The following C12orf50 variants were observed in gnomAD, a reference collection of about 807,000 sequenced individuals.
The protein encoded by C12orf50 is uncharacterized protein C12orf50.
Under a neutral mutation model 61.6 loss-of-function variants are expected in C12orf50, and 35 were observed. That is an observed-to-expected ratio of 0.57 (90% CI 0.43 to 0.75). C12orf50 has a LOEUF of 0.75. Among genes scored for constraint, C12orf50 ranks in the 30% least tolerant of loss-of-function variants. The probability of loss-of-function intolerance (pLI) is 0.00; values close to 1 mark genes in which losing one functional copy is unlikely to be tolerated. For missense variants in C12orf50, 475 were observed against 488.5 expected (o/e 0.97, Z 0.26); for synonymous variants, 178 against 161.5 (o/e 1.10, Z -0.77).
intron 3 of C12orf50, among the ~76,000 whole-genome samples, chr12:88,010,501 A>T (rs926757778): frequency 1.3e-5 from 2 of 149,056 alleles, no homozygotes; most frequent in African/African-American, 4.9e-5. Flanking sequence ...TATTCCATTT[A>T]TAAGATTATA....
intron 8 of C12orf50, 138 bp downstream of exon 8, chr12:87,989,126 A>C: frequency 3.4e-6 from 2 of 595,956 alleles, no homozygotes; most frequent in Non-Finnish European, 5.8e-6. Flanking sequence ...CAGGACTGGA[A>C]CCTTAGAGCT....
intron 7 of C12orf50, among the ~76,000 whole-genome samples, chr12:87,993,337 T>G (rs2031219933): frequency 6.6e-6 from 1 of 152,230 alleles, no homozygotes; most frequent in South Asian, 2.1e-4. Context: ...TTCAACAAAC[T>G]GTTCGATTAG....
At chr12:88,002,280 C>A (rs955688539) in intron 3 of C12orf50, among the ~76,000 whole-genome samples, 2 of 151,594 alleles carry the variant, frequency 1.3e-5, no homozygotes, top group African/African-American at 4.8e-5. Context: ...ATTTAATTTC[C>A]ATATATTTGT....
intron 1 of C12orf50, 112 bp downstream of exon 1, chr12:88,029,228 T>A (rs1402187217): frequency 3.3e-6 from 2 of 608,080 alleles, no homozygotes; most frequent in Non-Finnish European, 4.9e-6. Context: ...GGAAAAATAA[T>A]TTCTTTTCCA....
chr12:88,025,734 G>GT (rs2032680212), intron 3 of C12orf50, among the ~76,000 whole-genome samples: 1 of 152,044 alleles, frequency 6.6e-6, no homozygotes, highest in Admixed American at 6.5e-5. Context: ...GCGAGACTCC[G>GT]TCTCAAAAAA....
At chr12:88,008,902 A>G (rs146539958) in intron 3 of C12orf50, among the ~76,000 whole-genome samples, 149 of 152,276 alleles carry the variant, frequency 9.8e-4, no homozygotes, top group Non-Finnish European at 1.9e-3. Flanking sequence ...CATTTTATAA[A>G]TAGAGTTAAG....
At chr12:87,983,609 C>G (rs1340697256) in intron 11 of C12orf50, 9 of 151,716 alleles carry the variant, frequency 5.9e-5, no homozygotes, top group Admixed American at 5.9e-4. Flanking sequence ...TCTCATTGTT[C>G]AATTCCCATC....
intron 3 of C12orf50, among the ~76,000 whole-genome samples, chr12:88,011,485 C>G (rs1212943659): frequency 6.6e-6 from 1 of 152,102 alleles, no homozygotes; most frequent in Non-Finnish European, 1.5e-5. Context: ...ACACTGATTA[C>G]TCACTCTTTG....
At chr12:87,987,575 AAAG>A (rs2030889327) in intron 9 of C12orf50, among the ~76,000 whole-genome samples, 1 of 152,166 alleles carries the variant, frequency 6.6e-6, no homozygotes, top group Non-Finnish European at 1.5e-5. Context: ...GCGCAATTTA[AAAG>A]GTTATGCTAG....
At position 87,989,357 on chromosome 12, in the gene C12orf50, C is replaced by A. The variant is rs987464121; in HGVS notation, c.607G>T (p.Val203Phe). ...AFENGGGDCY[V>F]PQRVIFLGVD... ...CCAAGAAATATGACCCTCTGTGGAA[C>A]ATAACAGTCACCTCCTATGACAAAA... The change falls in exon 8 of 13, where the codon GTT becomes TTT. Residue 203 changes from valine to phenylalanine, a missense_variant. By Grantham distance (50) the Val-to-Phe change is conservative. Transcript: ENST00000298699. 11 of 1,610,970 alleles carry A rather than the reference C, an allele frequency of 6.8e-6. No individual in the cohort carries two copies. The highest frequency in any genetic ancestry group is 9.3e-6 in the Non-Finnish European group (11 of 1,178,094).
At position 88,026,649 on chromosome 12, in the gene C12orf50, C is replaced by A. The variant is rs1291856143; in HGVS notation, c.13-41G>T. ...TTGGGGGAAATGTAATGATTAGATG[C>A]CATATTTACAACAAATACAATGTGC... On this transcript the variant is annotated intron_variant, in intron 2 of 12. Coordinates refer to ENST00000298699, the MANE Select transcript of C12orf50 (RefSeq NM_152589.3). 5 of 1,602,660 alleles carry A rather than the reference C, an allele frequency of 3.1e-6. No homozygotes were observed. In the African/African-American group the frequency reaches 6.7e-5, roughly 21 times the overall value.
chr12:88,010,667 CA>C (rs982467723), intron 3 of C12orf50, among the ~76,000 whole-genome samples: 1 of 151,508 alleles, frequency 6.6e-6, no homozygotes, highest in Non-Finnish European at 1.5e-5. Context: ...GATATTTCAT[CA>C]AAAATAAAGA....
chr12:88,006,540 G>A (rs2031892313), intron 3 of C12orf50, among the ~76,000 whole-genome samples: 1 of 152,166 alleles, frequency 6.6e-6, no homozygotes, highest in Non-Finnish European at 1.5e-5. Context: ...CAAAGCAGGG[G>A]TGGTAATTTC....
intron 3 of C12orf50, among the ~76,000 whole-genome samples, chr12:88,000,293 C>A (rs1046620446): frequency 6.6e-6 from 1 of 151,866 alleles, no homozygotes; most frequent in African/African-American, 2.4e-5. Flanking sequence ...ATTCTTTTCC[C>A]CATTGAATGA....
chr12:87,996,652 G>T lies in C12orf50; in HGVS notation c.290-6C>A. On this transcript the variant is annotated splice_region_variant and splice_polypyrimidine_tract_variant and intron_variant, in intron 4 of 12. Transcript: ENST00000298699. ...TGTCCATAAACTAGAAGCATCTATAGGATATAGATTTTTTAAATTAAATTG... is the reference window on the plus strand; with the variant it reads ...TGTCCATAAACTAGAAGCATCTATATGATATAGATTTTTTAAATTAAATTG... The T allele has an allele frequency of 6.3e-7, 1 of 1,575,866 alleles. No individual in the cohort carries two copies. Among genetic ancestry groups the T allele is most frequent in the Non-Finnish European group, 8.7e-7 (1 of 1,154,896 alleles).
chr12:88,020,603 C>T (rs2136489959), intron 3 of C12orf50, among the ~76,000 whole-genome samples: 1 of 152,258 alleles, frequency 6.6e-6, no homozygotes, highest in Non-Finnish European at 1.5e-5. Context: ...GACTTCAACA[C>T]TCCACTGACA....
At chr12:88,019,270 C>T (rs2032425807) in intron 3 of C12orf50, among the ~76,000 whole-genome samples, 1 of 152,130 alleles carries the variant, frequency 6.6e-6, no homozygotes, top group South Asian at 2.1e-4. Flanking sequence ...AGGGGACTTT[C>T]CCTGCACAAA....
chr12:88,014,744 C>T (rs1321117442), intron 3 of C12orf50, among the ~76,000 whole-genome samples: 1 of 152,134 alleles, frequency 6.6e-6, no homozygotes, highest in Non-Finnish European at 1.5e-5. Flanking sequence ...ATCTATTCGG[C>T]CAGTTTTTAT....
At chr12:87,985,117 TTA>T (rs1565738313) in intron 11 of C12orf50, 2 of 152,046 alleles carry the variant, frequency 1.3e-5, no homozygotes, top group African/African-American at 2.4e-5. Flanking sequence ...AGATATAGTC[TTA>T]TGTTTCCATA....
Sources: allele counts gnomAD v4.1 joint callset (sites outside exome capture counted in the v4.1 genomes callset), GRCh38; gene constraint gnomAD v4.1.1; transcripts MANE v1.5; gene names NCBI Gene and HGNC (gene_info 2026-07-23, HGNC 2026-07-21).